Variants in STKLD1 observed in about 807,000 individuals in gnomAD.
STKLD1 encodes the protein serine/threonine kinase-like domain-containing protein STKLD1.
STKLD1 carries 79 observed loss-of-function variants against 80.4 expected under a neutral mutation model. The observed-to-expected ratio is 0.98, with a 90% CI of 0.82 to 1.19. The LOEUF (loss-of-function observed/expected upper bound fraction) is 1.19. Ranked by LOEUF, STKLD1 falls within the 50% of genes most tolerant of loss-of-function variation. The probability of loss-of-function intolerance (pLI) is 0.00; values close to 1 mark genes in which losing one functional copy is unlikely to be tolerated. For missense variants in STKLD1, 841 were observed against 856.0 expected, an observed-to-expected ratio of 0.98 and a Z score of 0.22; for synonymous variants, 393 against 357.6, an observed-to-expected ratio of 1.10 and a Z score of -1.12.
At chr9:133,393,505 A>ATGGATGTGTGGG (rs1184173119) in intron 7 of STKLD1, among the ~76,000 whole-genome samples, 1 of 129,224 alleles carries the variant, frequency 7.7e-6, no homozygotes, top group African/African-American at 3.0e-5. Context: ...GTGCATGTGG[A>ATGGATGTGTGGG]TGGATGTGTG....
chr9:133,393,990 C>T (rs41316982), intron 7 of STKLD1: 32,405 of 350,786 alleles, frequency 0.092, 2,094 homozygotes, highest in African/African-American at 0.21. Context: ...CTTCCAACTC[C>T]TTCTACAGCC....
At position 133,376,428 on chromosome 9, in the gene STKLD1, G is replaced by T; in HGVS notation, c.-46G>T. The T allele has an allele frequency of 6.6e-7, 1 of 1,510,744 alleles. No individual in the cohort carries two copies. Among genetic ancestry groups the T allele is most frequent in the Non-Finnish European group, 8.8e-7 (1 of 1,130,682 alleles). 93.6% of individuals were successfully genotyped at this position (1,510,744 alleles called of 1,614,324 possible). A position where few individuals can be genotyped will look rare whatever the true frequency, so the allele number is the denominator to read the frequency against. ...CGCGGGTCCCACTGACCCACGCGGG[G>T]TGGGGCCAGGGGTGGACGCTCGCCC... On this transcript the variant is annotated 5_prime_UTR_variant, in exon 1 of 18. Transcript: ENST00000371957.
chr9:133,389,403 C>T lies in STKLD1; in HGVS notation c.397-123C>T. On this transcript the variant is annotated intron_variant, in intron 5 of 17. Coordinates refer to ENST00000371957, the MANE Select transcript of STKLD1 (RefSeq NM_153710.5). The surrounding 1 kb of genome is among the most constrained non-coding windows in gnomAD (Gnocchi z 6.4). ...TCCACCCTGAGCGCTTGGCTGGCTT[C>T]AGGCCTGTCTCAAGATGCAAGGAGA... is the stretch of plus-strand genomic sequence containing the variant. 1 of 1,481,700 alleles carries T rather than the reference C, an allele frequency of 6.7e-7. No homozygotes were observed. The highest frequency in any genetic ancestry group is 9.0e-7 in the Non-Finnish European group (1 of 1,111,736). The allele number at this position is 1,481,700 out of a possible 1,614,324, so 91.8% of individuals were successfully genotyped here. A position where few individuals can be genotyped will look rare whatever the true frequency, so the allele number is the denominator to read the frequency against.
At chr9:133,405,088 G>A (rs1838815441) in intron 17 of STKLD1, among the ~76,000 whole-genome samples, 159 bp downstream of exon 17, 1 of 152,242 alleles carries the variant, frequency 6.6e-6, no homozygotes, top group African/African-American at 2.4e-5. Flanking sequence ...CTGAGCACCA[G>A]GGGTTGTCCT....
At position 133,405,279 on chromosome 9, in the gene STKLD1, G is replaced by C; in HGVS notation, c.1901G>C (p.Ser634Thr). The change falls in exon 18 of 18, where the codon AGT becomes ACT. Residue 634 changes from serine to threonine, a missense_variant. Physicochemically the swap from Ser to Thr is moderately conservative, Grantham distance 58 (BLOSUM62 1). Coordinates refer to ENST00000371957, the MANE Select transcript of STKLD1 (RefSeq NM_153710.5). ...YEEILPELVS[S>T]SMKALLQEIK... ...GAGATCCTGCCGGAGCTGGTGTCCAGTAGTATGAAGGCCCTGCTCCAGGAG... is the reference window on the plus strand; with the variant it reads ...GAGATCCTGCCGGAGCTGGTGTCCACTAGTATGAAGGCCCTGCTCCAGGAG... The C allele has an allele frequency of 6.2e-7, 1 of 1,612,210 alleles. No individual in the cohort carries two copies.
At chr9:133,386,060 A>G (rs782127728) in intron 4 of STKLD1, among the ~76,000 whole-genome samples, 1 of 152,086 alleles carries the variant, frequency 6.6e-6, no homozygotes, top group East Asian at 1.9e-4. Flanking sequence ...CCAGGATTAC[A>G]GGCGCGTGCC....
rs2130285440 is a variant in STKLD1, at chr9:133,389,952, C to T, written c.467+356C>T. Among the ~76,000 whole-genome samples the T allele has an allele frequency of 0.12, 17,922 of 152,172 alleles. 1,393 individuals are homozygous for T. Among genetic ancestry groups the T allele is most frequent in the African/African-American group, 0.22 (9,012 of 41,492 alleles). On this transcript the variant is annotated intron_variant, in intron 6 of 17. Transcript: ENST00000371957. The surrounding 1 kb of genome is among the most constrained non-coding windows in gnomAD (Gnocchi z 6.4). Reference sequence around the variant, plus strand: ...GCCCTGCTGAGCCTTTGACCCCCAGCGGCACAACTTTCAGGCTGGAGAATC... The same window carrying T: ...GCCCTGCTGAGCCTTTGACCCCCAGTGGCACAACTTTCAGGCTGGAGAATC...
In STKLD1 at chr9:133,405,534, G is replaced by C; in HGVS notation, c.*113G>C. On this transcript the variant is annotated 3_prime_UTR_variant, in exon 18 of 18. Coordinates refer to ENST00000371957, the MANE Select transcript of STKLD1 (RefSeq NM_153710.5). ...GGCCAAAATCAATCTTAAACGGGAG[G>C]GGTAATCAGACCTCTCCAAAGAGTT... is the stretch of plus-strand genomic sequence containing the variant. 9.0e-7 allele frequency: 1 copy of C among 1,106,500 alleles called. No homozygotes were observed. The highest frequency in any genetic ancestry group is 1.2e-6 in the Non-Finnish European group (1 of 801,118). The allele number at this position is 1,106,500 out of a possible 1,614,324, so 68.5% of individuals were successfully genotyped here.
chr9:133,380,385 G>A (rs2130263443), intron 2 of STKLD1, among the ~76,000 whole-genome samples: 1 of 152,208 alleles, frequency 6.6e-6, no homozygotes, highest in African/African-American at 2.4e-5. Flanking sequence ...TAGGCATGGT[G>A]GCTCATCCCT....
chr9:133,403,052 G>A (rs1554778011), intron 14 of STKLD1, 40 bp downstream of exon 14: 5 of 1,531,344 alleles, frequency 3.3e-6, no homozygotes, highest in African/African-American at 2.7e-5. Flanking sequence ...GGGGCTGGCA[G>A]CCCTCCCCCA....
intron 1 of STKLD1, 117 bp downstream of exon 1, chr9:133,376,677 C>T: frequency 2.3e-6 from 2 of 857,138 alleles, no homozygotes; most frequent in Non-Finnish European, 1.7e-6. Context: ...TGGCCAGTGT[C>T]GGCCTGCAGC....
In STKLD1 at chr9:133,390,906, A is replaced by G; in HGVS notation, c.583+110A>G. 1.2e-6 allele frequency: 1 copy of G among 815,296 alleles called. No individual in the cohort carries two copies. Among genetic ancestry groups the G allele is most frequent in the African/African-American group, 1.7e-5 (1 of 59,428 alleles). 50.5% of individuals were successfully genotyped at this position (815,296 alleles called of 1,614,324 possible). On this transcript the variant is annotated intron_variant, in intron 7 of 17. Transcript: ENST00000371957. This position sits in a 1 kb window ranked among gnomAD's most constrained non-coding sequence, Gnocchi z 5.1. ...GGCAACATCAAACAGCTGTTTGCTCAGAAGGTCCCCACAAAGCCCTGGCCT... is the reference window on the plus strand; with the variant it reads ...GGCAACATCAAACAGCTGTTTGCTCGGAAGGTCCCCACAAAGCCCTGGCCT...
In STKLD1 at chr9:133,379,108, C is replaced by T. The variant is rs1416099137; in HGVS notation, c.160C>T (p.His54Tyr). ...GGAGGAAATGGAAACCAAAGTCAAG[C>T]ATGTGATAAAGCAGGTAAGAGGCCA... ...VVEEMETKVK[H>Y]VIKQVECMDD... Residue 54 changes from histidine (H) to tyrosine (Y), a missense_variant, in exon 2 of 18, where the codon CAT becomes TAT. By Grantham distance (83) the His-to-Tyr change is moderately conservative. Coordinates refer to ENST00000371957, the MANE Select transcript of STKLD1 (RefSeq NM_153710.5). The T allele has an allele frequency of 5.0e-6, 8 of 1,613,832 alleles. No homozygotes were observed. In the Admixed American group the frequency reaches 1.2e-4, roughly 24 times the overall value.
At chr9:133,387,863 T>C (rs2130281166) in intron 5 of STKLD1, 22 of 504,116 alleles carry the variant, frequency 4.4e-5, no homozygotes, top group Non-Finnish European at 8.1e-5. Flanking sequence ...TCGTCCGGCA[T>C]GCTGCCACTC....
rs1838252137 is a variant in STKLD1 at position 133,385,795 on chromosome 9, C to T, written c.294+104C>T. ...CCCACCCCCCACTGTCAGAATAGCT[C>T]GTGTGGCAATGGCAGTGACTGTAAA... On this transcript the variant is annotated intron_variant, in intron 4 of 17. Transcript: ENST00000371957. This position sits in a 1 kb window ranked among gnomAD's most constrained non-coding sequence, Gnocchi z 4.9. The T allele has an allele frequency of 6.5e-6, 7 of 1,082,556 alleles. No individual in the cohort carries two copies. In the Admixed American group the frequency reaches 1.1e-4, roughly 18 times the overall value. The allele number at this position is 1,082,556 out of a possible 1,614,324, so 67.1% of individuals were successfully genotyped here.
At position 133,387,630 on chromosome 9, in the gene STKLD1, G is replaced by A. The variant is rs2130280290; in HGVS notation, c.396+82G>A. 41 of 1,091,186 alleles carry A rather than the reference G, an allele frequency of 3.8e-5. No individual in the cohort carries two copies. The African/African-American group carries it at 5.4e-4, about 14-fold the overall frequency. 67.6% of individuals were successfully genotyped at this position (1,091,186 alleles called of 1,614,324 possible). A position where few individuals can be genotyped will look rare whatever the true frequency, so the allele number is the denominator to read the frequency against. ...TGCGGTGCAGGGCAAAGTAACAGCG[G>A]GAGGGCAGGCACCATGGAGTCCAGC... On this transcript the variant is annotated intron_variant, in intron 5 of 17. Transcript: ENST00000371957.
chr9:133,389,050 A>C lies in STKLD1; in HGVS notation c.397-476A>C. On this transcript the variant is annotated intron_variant, in intron 5 of 17. Coordinates refer to ENST00000371957, the MANE Select transcript of STKLD1 (RefSeq NM_153710.5). This position sits in a 1 kb window ranked among gnomAD's most constrained non-coding sequence, Gnocchi z 6.4. ...GCCCTAGGAGCCCAGCTTTAGAATC[A>C]CCGCGCTGGGTACTCGATGGAGCTT... 3 of 985,272 alleles carry C rather than the reference A, an allele frequency of 3.0e-6. No individual in the cohort carries two copies. The highest frequency in any genetic ancestry group is 3.6e-6 in the Non-Finnish European group (3 of 829,868). The allele number at this position is 985,272 out of a possible 1,614,324, so 61.0% of individuals were successfully genotyped here.
intron 2 of STKLD1, among the ~76,000 whole-genome samples, chr9:133,383,260 G>GGT (rs1838184393): frequency 1.3e-5 from 1 of 76,734 alleles, no homozygotes; most frequent in African/African-American, 4.6e-5. Context: ...TGGTGGTGTT[G>GGT]GAGTGATGGT....
At chr9:133,386,416 G>A (rs1838266334) in intron 4 of STKLD1, among the ~76,000 whole-genome samples, 1 of 152,240 alleles carries the variant, frequency 6.6e-6, no homozygotes, top group Non-Finnish European at 1.5e-5. Context: ...TTTCATGGAA[G>A]GAGCTAGTTG....
Sources: gnomAD v4.1 joint callset for allele counts (sites outside exome capture counted in the v4.1 genomes callset) on GRCh38, gnomAD v4.1.1 for gene constraint, Gnocchi (gnomAD v3.1) non-coding constraint, MANE v1.5 for transcripts, NCBI Gene and HGNC (gene_info 2026-07-23, HGNC 2026-07-21) for gene names.